Variants in MGAT4A observed in about 807,000 individuals in gnomAD.
MGAT4A encodes the protein alpha-1,3-mannosyl-glycoprotein 4-beta-N-acetylglucosaminyltransferase A, also known as N-acetylglucosaminyltransferase IVa.
Under a neutral mutation model 74.1 loss-of-function variants are expected in MGAT4A, and 33 were observed. That is an observed-to-expected ratio of 0.45 (90% CI 0.34 to 0.60). The LOEUF (loss-of-function observed/expected upper bound fraction) is 0.60. Ranked by LOEUF, MGAT4A falls within the 20% of genes least tolerant of loss-of-function variation. MGAT4A has a pLI of 0.02. For missense variants in MGAT4A, 479 were observed against 628.3 expected (o/e 0.76, Z 2.54); for synonymous variants, 198 against 210.4 (o/e 0.94, Z 0.51).
chr2:98,640,942 A>G (rs1439794958), intron 10 of MGAT4A, among the ~76,000 whole-genome samples: 2 of 152,242 alleles, frequency 1.3e-5, no homozygotes, highest in Non-Finnish European at 1.5e-5. Flanking sequence ...TTGTTGCATG[A>G]AAGCAACTTG....
In MGAT4A at chr2:98,619,634, A is replaced by G. The variant is rs1207758524; in HGVS notation, c.*5932T>C. 1 of 152,228 alleles carries G rather than the reference A, an allele frequency of 6.6e-6. No individual in the cohort carries two copies. Among genetic ancestry groups the G allele is most frequent in the Non-Finnish European group, 1.5e-5 (1 of 68,036 alleles). 9.4% of individuals were successfully genotyped at this position (152,228 alleles called of 1,614,324 possible). ...GGCAGTGCATCTTACAGTACTGTCG[A>G]TAGCAGCCATTTTTAAGGCTCAGAG... On this transcript the variant is annotated 3_prime_UTR_variant, in exon 16 of 16. Coordinates refer to ENST00000393487, the MANE Select transcript of MGAT4A (RefSeq NM_012214.3).
Position 98,623,484 on chromosome 2 carries a change from T to A in MGAT4A, c.*2082A>T, listed in dbSNP as rs938026097. On this transcript the variant is annotated 3_prime_UTR_variant, in exon 16 of 16. Transcript: ENST00000393487. ...CTCAGTTATCTTTGCAGTAATTTAG[T>A]ATACCAAGCTGGTGCCAAAATTTTA... 7.1e-6 allele frequency: 7 copies of A among 985,440 alleles called. No individual in the cohort carries two copies. The South Asian group carries it at 2.8e-4, about 40-fold the overall frequency. The allele number at this position is 985,440 out of a possible 1,614,324, so 61.0% of individuals were successfully genotyped here. A position where few individuals can be genotyped will look rare whatever the true frequency, so the allele number is the denominator to read the frequency against.
chr2:98,656,585 T>C (rs907903279), intron 6 of MGAT4A, 120 bp from the exon 7 acceptor site: 2 of 630,678 alleles, frequency 3.2e-6, no homozygotes, highest in Non-Finnish European at 5.4e-6. Context: ...CGTATAATGT[T>C]ATGGCCGCAA....
At chr2:98,670,552 C>A (rs969709425) in intron 4 of MGAT4A, among the ~76,000 whole-genome samples, 1 of 152,198 alleles carries the variant, frequency 6.6e-6, no homozygotes, top group Admixed American at 6.5e-5. Flanking sequence ...TTCAGTAACT[C>A]AATCTACCTT....
chr2:98,657,025 G>A (rs1348770219), intron 6 of MGAT4A, among the ~76,000 whole-genome samples: 1 of 152,174 alleles, frequency 6.6e-6, no homozygotes, highest in Non-Finnish European at 1.5e-5. Flanking sequence ...CAGTACTACT[G>A]ACGCCTAGTG....
chr2:98,633,248 C>T (rs1349214894), intron 14 of MGAT4A, among the ~76,000 whole-genome samples: 1 of 152,168 alleles, frequency 6.6e-6, no homozygotes, highest in African/African-American at 2.4e-5. Context: ...TGCTGGCAGC[C>T]TGACCCTCCT....
At chr2:98,674,700 C>T (rs1175658230) in intron 4 of MGAT4A, among the ~76,000 whole-genome samples, 1 of 152,116 alleles carries the variant, frequency 6.6e-6, no homozygotes, top group Admixed American at 6.6e-5. Flanking sequence ...TATGACATGA[C>T]CAAAAGAGCT....
chr2:98,642,149 A>T (rs758679294), intron 10 of MGAT4A, among the ~76,000 whole-genome samples: 12 of 152,144 alleles, frequency 7.9e-5, no homozygotes, highest in Non-Finnish European at 1.6e-4. Flanking sequence ...ACAAATACTC[A>T]AGTGGAAGGA....
intron 8 of MGAT4A, among the ~76,000 whole-genome samples, chr2:98,651,014 G>A (rs940216008): frequency 6.6e-6 from 1 of 151,956 alleles, no homozygotes; most frequent in Non-Finnish European, 1.5e-5. Flanking sequence ...GCAGTGAGCT[G>A]GGATTGTGCC....
intron 2 of MGAT4A, among the ~76,000 whole-genome samples, chr2:98,713,753 A>C (rs1255241229): frequency 1.3e-5 from 2 of 152,246 alleles, no homozygotes. Context: ...TACTGTTCTG[A>C]CTCAGAACCA....
intron 8 of MGAT4A, among the ~76,000 whole-genome samples, chr2:98,647,362 T>G (rs1033441046): frequency 6.6e-6 from 1 of 152,216 alleles, no homozygotes; most frequent in Non-Finnish European, 1.5e-5. Context: ...TCGCCCACAC[T>G]GGAGTGCAGT....
chr2:98,708,329 A>G (rs1374185713), intron 2 of MGAT4A, among the ~76,000 whole-genome samples: 1 of 152,174 alleles, frequency 6.6e-6, no homozygotes, highest in Non-Finnish European at 1.5e-5. Flanking sequence ...ATATTATAAG[A>G]TTAATGAGAT....
In MGAT4A at chr2:98,731,041, C is replaced by T. The variant is rs1702848834; in HGVS notation, c.-236+7G>A. On this transcript the variant is annotated splice_region_variant and intron_variant, in intron 1 of 15. Coordinates refer to ENST00000393487, the MANE Select transcript of MGAT4A (RefSeq NM_012214.3). The surrounding 1 kb of genome is among the most constrained non-coding windows in gnomAD (Gnocchi z 4.8). ...GCGCGCCGCCGCTGCCGCCGCGAGC[C>T]CCTCACCCGCCGCTGGCGTCGCCGT... 1 of 139,790 alleles carries T rather than the reference C, an allele frequency of 7.2e-6. No individual in the cohort carries two copies. The highest frequency in any genetic ancestry group is 1.6e-5 in the Non-Finnish European group (1 of 62,654). The allele number at this position is 139,790 out of a possible 1,614,324, so 8.7% of individuals were successfully genotyped here. A position where few individuals can be genotyped will look rare whatever the true frequency, so the allele number is the denominator to read the frequency against.
At chr2:98,691,948 T>C (rs1435073915) in intron 2 of MGAT4A, among the ~76,000 whole-genome samples, 1 of 152,050 alleles carries the variant, frequency 6.6e-6, no homozygotes, top group Non-Finnish European at 1.5e-5. Context: ...AATAATAAAT[T>C]TTAAATAGAA....
At chr2:98,711,174 C>T (rs1003907511) in intron 2 of MGAT4A, among the ~76,000 whole-genome samples, 3 of 149,488 alleles carry the variant, frequency 2.0e-5, no homozygotes, top group African/African-American at 7.4e-5. Flanking sequence ...AATGCTATTC[C>T]ATAGGGGAAA....
intron 2 of MGAT4A, among the ~76,000 whole-genome samples, chr2:98,692,810 G>C (rs910587338): frequency 6.6e-6 from 1 of 152,110 alleles, no homozygotes; most frequent in African/African-American, 2.4e-5. Context: ...ACCCTATGAT[G>C]TTCACACAAC....
chr2:98,686,303 A>C (rs1702129529), intron 2 of MGAT4A, among the ~76,000 whole-genome samples: 1 of 152,224 alleles, frequency 6.6e-6, no homozygotes, highest in Non-Finnish European at 1.5e-5. Context: ...TTATGTTTTC[A>C]GTATACTTAC....
intron 2 of MGAT4A, among the ~76,000 whole-genome samples, chr2:98,717,481 A>G (rs1316361485): frequency 3.3e-5 from 5 of 152,160 alleles, no homozygotes; most frequent in Non-Finnish European, 7.3e-5. Flanking sequence ...TCTGGCACAG[A>G]AGGACATTAG....
intron 2 of MGAT4A, among the ~76,000 whole-genome samples, chr2:98,700,274 A>G (rs1462971171): frequency 6.7e-6 from 1 of 150,370 alleles, no homozygotes; most frequent in African/African-American, 2.4e-5. Context: ...TTAATTCTTT[A>G]AAAGCTTGAT....
Sources: allele counts gnomAD v4.1 joint callset (sites outside exome capture counted in the v4.1 genomes callset), GRCh38; gene constraint gnomAD v4.1.1; non-coding constraint Gnocchi (gnomAD v3.1); transcripts MANE v1.5; gene names NCBI Gene and HGNC (gene_info 2026-07-23, HGNC 2026-07-21).